CCDC88C: variants seen among roughly 807,000 people sequenced by gnomAD.
CCDC88C encodes the protein protein Daple.
CCDC88C carries 131 observed loss-of-function variants against 198.8 expected under a neutral mutation model. The observed-to-expected ratio is 0.66, with a 90% CI of 0.57 to 0.76. The LOEUF (loss-of-function observed/expected upper bound fraction) is 0.76. CCDC88C is among the 30% of genes least tolerant of loss of function. The probability of loss-of-function intolerance (pLI) is 0.00; values close to 1 mark genes in which losing one functional copy is unlikely to be tolerated. For missense variants in CCDC88C, 2,553 were observed against 2,631.6 expected, an observed-to-expected ratio of 0.97 and a Z score of 0.65; for synonymous variants, 1,166 against 1,114.7, an observed-to-expected ratio of 1.05 and a Z score of -0.92.
chr14:91,273,655 T>C lies in CCDC88C; in HGVS notation c.5059-2A>G. The C allele has an allele frequency of 1.4e-6, 2 of 1,461,156 alleles. No homozygotes were observed. Among genetic ancestry groups the C allele is most frequent in the South Asian group, 1.6e-5 (1 of 63,692 alleles). The allele number at this position is 1,461,156 out of a possible 1,614,324, so 90.5% of individuals were successfully genotyped here. A position where few individuals can be genotyped will look rare whatever the true frequency, so the allele number is the denominator to read the frequency against. Reference sequence around the variant, plus strand: ...GTCATCCCGGCAACTGGGAGTGTCCTACGGAGAAGAGAGTGAAGGTTGGAG... The same window carrying C: ...GTCATCCCGGCAACTGGGAGTGTCCCACGGAGAAGAGAGTGAAGGTTGGAG... On this transcript the variant is annotated splice_acceptor_variant, in intron 29 of 29. Coordinates refer to ENST00000389857, the MANE Select transcript of CCDC88C (RefSeq NM_001080414.4). LOFTEE classifies it high-confidence loss of function. The surrounding 1 kb of genome is among the most constrained non-coding windows in gnomAD (Gnocchi z 5.6).
rs138986351 is a variant in CCDC88C, at chr14:91,322,152, A to T, written c.1343-848T>A. Among the ~76,000 whole-genome samples, 4 of 152,188 alleles carry T rather than the reference A, an allele frequency of 2.6e-5. No homozygotes were observed. In the East Asian group the frequency reaches 7.7e-4, roughly 29 times the overall value. ...TTACCCAACCCAGTGCCACGTCCTC[A>T]TCTCTTGGGGCCTTTCCACACTGTT... is the stretch of plus-strand genomic sequence containing the variant. On this transcript the variant is annotated intron_variant, in intron 12 of 29. Transcript: ENST00000389857.
intron 3 of CCDC88C, among the ~76,000 whole-genome samples, chr14:91,398,137 G>A (rs927271440): frequency 2.6e-5 from 4 of 152,130 alleles, no homozygotes; most frequent in Non-Finnish European, 4.4e-5. Flanking sequence ...TTTTGATTTG[G>A]GCACAGATCT....
intron 25 of CCDC88C, chr14:91,285,402 G>A (rs952400796): frequency 4.4e-6 from 2 of 455,562 alleles, no homozygotes; most frequent in African/African-American, 2.0e-5. Flanking sequence ...TACTTAGTAC[G>A]GACATCCTGG....
intron 4 of CCDC88C, among the ~76,000 whole-genome samples, chr14:91,356,615 A>C (rs1057277329): frequency 6.6e-6 from 1 of 152,148 alleles, no homozygotes; most frequent in South Asian, 2.1e-4. Context: ...ACAGCTTTGT[A>C]TATTTATGAA....
rs995065254 is a variant in CCDC88C at position 91,339,546 on chromosome 14, C to A, written c.625-84G>T. On this transcript the variant is annotated intron_variant, in intron 7 of 29. Transcript: ENST00000389857. This position sits in a 1 kb window ranked among gnomAD's most constrained non-coding sequence, Gnocchi z 5.8. ...CTGAGCTTGAACAGGGTGAAGAAAC[C>A]GCCAAAAGACAGATATTTCAGCGGA... The A allele has an allele frequency of 4.7e-6, 6 of 1,287,792 alleles. No homozygotes were observed. In the East Asian group the frequency reaches 1.5e-4, roughly 33 times the overall value. The allele number at this position is 1,287,792 out of a possible 1,614,324, so 79.8% of individuals were successfully genotyped here.
chr14:91,309,027 G>A (rs1027995152), intron 16 of CCDC88C, among the ~76,000 whole-genome samples: 4 of 152,180 alleles, frequency 2.6e-5, no homozygotes, highest in African/African-American at 7.2e-5. Context: ...AGGCGTTCGA[G>A]ACCAGTCTGG....
At chr14:91,282,429 T>G (rs1890237402) in intron 26 of CCDC88C, among the ~76,000 whole-genome samples, 1 of 152,258 alleles carries the variant, frequency 6.6e-6, no homozygotes, top group Non-Finnish European at 1.5e-5. Flanking sequence ...CTTTTCCGTT[T>G]TAAGCATTAT....
At chr14:91,312,926 A>G (rs1158305612) in intron 15 of CCDC88C, among the ~76,000 whole-genome samples, 154 bp downstream of exon 15, 1 of 152,244 alleles carries the variant, frequency 6.6e-6, no homozygotes, top group Non-Finnish European at 1.5e-5. Context: ...CGTGGTATTC[A>G]CTGGGTTCTT....
At chr14:91,378,245 G>C (rs1413822722) in intron 3 of CCDC88C, among the ~76,000 whole-genome samples, 2 of 152,162 alleles carry the variant, frequency 1.3e-5, no homozygotes, top group Non-Finnish European at 2.9e-5. Flanking sequence ...TCCTGAAGTG[G>C]GGAGGCCTGA....
intron 3 of CCDC88C, among the ~76,000 whole-genome samples, chr14:91,391,167 T>C (rs893567660): frequency 2.0e-5 from 3 of 152,032 alleles, no homozygotes; most frequent in African/African-American, 7.2e-5. Context: ...TTGAGCCTCA[T>C]GCTGGACCCA....
At chr14:91,416,293 G>A (rs1887042469) in intron 2 of CCDC88C, among the ~76,000 whole-genome samples, 1 of 152,164 alleles carries the variant, frequency 6.6e-6, no homozygotes, top group Non-Finnish European at 1.5e-5. Context: ...GAAATGTAAA[G>A]GAGCTCAGAA....
At chr14:91,364,386 C>CT in intron 3 of CCDC88C, among the ~76,000 whole-genome samples, 1 of 152,316 alleles carries the variant, frequency 6.6e-6, no homozygotes, top group South Asian at 2.1e-4. Flanking sequence ...CCTGGAATGA[C>CT]TCCTCGGCCA....
chr14:91,379,888 G>C, intron 3 of CCDC88C: 1 of 703,046 alleles, frequency 1.4e-6, no homozygotes, highest in Admixed American at 2.0e-5. Context: ...GGTCTATCCT[G>C]AAAACAGGAT....
rs568758017 is a variant in CCDC88C, at chr14:91,317,274, G to T, written c.1528-1487C>A. 5.9e-4 allele frequency among the ~76,000 whole-genome samples: 90 copies of T among 152,332 alleles called. 2 individuals carry two copies. In the South Asian group the frequency reaches 0.015, roughly 26 times the overall value. On this transcript the variant is annotated intron_variant, in intron 13 of 29. Coordinates refer to ENST00000389857, the MANE Select transcript of CCDC88C (RefSeq NM_001080414.4). ...TTCCAGAGGTCCCAGACCAAAGCAA[G>T]CGTGCAGCCTGGGCTACATTCGGGG...
At chr14:91,408,499 A>G (rs1886625116) in intron 3 of CCDC88C, 160 bp downstream of exon 3, 3 of 634,180 alleles carry the variant, frequency 4.7e-6, no homozygotes, top group Non-Finnish European at 8.7e-6. Flanking sequence ...TCATCCTCAC[A>G]CATGCCCCAA....
chr14:91,354,146 G>C (rs1176310025), intron 4 of CCDC88C, among the ~76,000 whole-genome samples: 6 of 152,190 alleles, frequency 3.9e-5, no homozygotes, highest in African/African-American at 7.2e-5. Flanking sequence ...GCTTCGGTGG[G>C]ATCGGCCATG....
intron 19 of CCDC88C, among the ~76,000 whole-genome samples, chr14:91,304,273 TCTGA>T (rs912909660): frequency 2.2e-4 from 34 of 152,116 alleles, no homozygotes; most frequent in African/African-American, 6.8e-4. Context: ...CTGTGCCCTC[TCTGA>T]CTATTTTTTA....
intron 15 of CCDC88C, among the ~76,000 whole-genome samples, chr14:91,310,733 G>A (rs1454245975): frequency 6.6e-6 from 1 of 152,112 alleles, no homozygotes; most frequent in African/African-American, 2.4e-5. Context: ...CAAAACATGG[G>A]TGTTGAATGC....
chr14:91,293,158 T>TCACCTTCCCATCCTCACCCGCCAC (rs1890751433), intron 23 of CCDC88C, among the ~76,000 whole-genome samples: 3 of 7,028 alleles, frequency 4.3e-4, no homozygotes, highest in Admixed American at 1.5e-3. Flanking sequence ...TCACCTGCCA[T>TCACCTTCCCATCCTCACCCGCCAC]AGCCCACCTT....
Sources: allele counts gnomAD v4.1 joint callset (sites outside exome capture counted in the v4.1 genomes callset), GRCh38; gene constraint gnomAD v4.1.1; non-coding constraint Gnocchi (gnomAD v3.1); transcripts MANE v1.5; gene names NCBI Gene and HGNC (gene_info 2026-07-23, HGNC 2026-07-21).